NTRK2: variants seen among roughly 807,000 people sequenced by gnomAD.
NTRK2 encodes the protein neurotrophic receptor tyrosine kinase 2, also known as BDNF/NT-3 growth factors receptor.
Under a neutral mutation model 94.5 loss-of-function variants are expected in NTRK2, and 13 were observed. The ratio of observed to expected loss-of-function variants is 0.14; its 90% CI spans 0.09 to 0.22. The LOEUF is 0.22. NTRK2 is among the 10% of genes least tolerant of loss of function. The pLI, the probability that NTRK2 is intolerant of heterozygous loss-of-function variation, is 1.00. For missense variants in NTRK2, 639 were observed against 1,071.2 expected (o/e 0.60, Z 5.63); for synonymous variants, 372 against 407.4 (o/e 0.91, Z 1.05).
intron 17 of NTRK2, among the ~76,000 whole-genome samples, chr9:84,995,813 A>G (rs1433552184): frequency 6.6e-6 from 1 of 152,232 alleles, no homozygotes; most frequent in Non-Finnish European, 1.5e-5. Context: ...AATTTAGGCT[A>G]ACAATTCCAG....
At chr9:85,016,059 T>C (rs1487020080) in intron 17 of NTRK2, among the ~76,000 whole-genome samples, 1 of 152,142 alleles carries the variant, frequency 6.6e-6, no homozygotes, top group African/African-American at 2.4e-5. Context: ...TGGGTTCAAG[T>C]GAGATAATTG....
rs1588087862 is a variant in NTRK2 at position 84,707,923 on chromosome 9, A to C, written c.428+11A>C. The C allele has an allele frequency of 1.2e-6, 2 of 1,608,062 alleles. No homozygotes were observed. The highest frequency in any genetic ancestry group is 4.5e-5 in the East Asian group (2 of 44,712). On this transcript the variant is annotated intron_variant, in intron 5 of 18. Transcript: ENST00000277120. ...TGACTTGTCTGAACTGTAAGTAATG[A>C]TTTTGTGTGGCATTTGGGGAAATGT...
intron 12 of NTRK2, among the ~76,000 whole-genome samples, chr9:84,759,997 C>G (rs1382552047): frequency 6.6e-6 from 1 of 152,168 alleles, no homozygotes; most frequent in Admixed American, 6.5e-5. Flanking sequence ...ACATTTAGCT[C>G]TAAATCAGCA....
At chr9:84,849,339 G>A (rs1356821496) in intron 12 of NTRK2, among the ~76,000 whole-genome samples, 1 of 152,146 alleles carries the variant, frequency 6.6e-6, no homozygotes, top group Non-Finnish European at 1.5e-5. Context: ...GCCTAGAAGT[G>A]CTGGGTCATT....
At chr9:84,716,604 T>C (rs1040217083) in intron 6 of NTRK2, among the ~76,000 whole-genome samples, 9 of 152,238 alleles carry the variant, frequency 5.9e-5, no homozygotes, top group Non-Finnish European at 1.0e-4. Context: ...CTTAGTTGGA[T>C]TGGCTTTCTT....
chr9:84,762,564 C>T (rs377221995), intron 12 of NTRK2, among the ~76,000 whole-genome samples: 47 of 152,290 alleles, frequency 3.1e-4, no homozygotes, highest in African/African-American at 8.4e-4. Context: ...TTATCCCTCA[C>T]ATTATATCTT....
intron 6 of NTRK2, among the ~76,000 whole-genome samples, chr9:84,718,781 G>C (rs1398560144): frequency 6.6e-6 from 1 of 152,294 alleles, no homozygotes; most frequent in Non-Finnish European, 1.5e-5. Context: ...TCCTGCCTTG[G>C]CTATTCATGC....
At chr9:84,901,999 G>C (rs1229770188) in intron 14 of NTRK2, among the ~76,000 whole-genome samples, 1 of 152,042 alleles carries the variant, frequency 6.6e-6, no homozygotes, top group Non-Finnish European at 1.5e-5. Flanking sequence ...TTCAAGACCA[G>C]CCTGGCCAAC....
intron 12 of NTRK2, among the ~76,000 whole-genome samples, chr9:84,829,800 C>G (rs565735301): frequency 7.4e-4 from 113 of 152,326 alleles, no homozygotes; most frequent in African/African-American, 2.7e-3. Flanking sequence ...ATCCTCTGCA[C>G]TAAACCCCAT....
chr9:84,926,177 T>TCTTC (rs1564471177), intron 14 of NTRK2, among the ~76,000 whole-genome samples: 5 of 62,672 alleles, frequency 8.0e-5, no homozygotes, highest in African/African-American at 2.7e-4. Context: ...TTCCTTTCTT[T>TCTTC]CTTTCTTTCT....
intron 17 of NTRK2, among the ~76,000 whole-genome samples, chr9:84,980,431 G>A (rs1827443441): frequency 6.6e-6 from 1 of 152,052 alleles, no homozygotes; most frequent in South Asian, 2.1e-4. Context: ...TATGACTTTT[G>A]AGCAATATTA....
At chr9:84,808,008 C>A (rs117979333) in intron 12 of NTRK2, among the ~76,000 whole-genome samples, 1 of 152,096 alleles carries the variant, frequency 6.6e-6, no homozygotes, top group Admixed American at 6.6e-5. Flanking sequence ...AGAAAAATGC[C>A]GTATGTGTTT....
chr9:84,901,392 T>G (rs185415580), intron 14 of NTRK2, among the ~76,000 whole-genome samples: 34 of 151,118 alleles, frequency 2.2e-4, no homozygotes, highest in South Asian at 4.2e-4. Flanking sequence ...CCAGCTATTT[T>G]TGTGTGTGTG....
At chr9:84,954,810 C>A (rs992827838) in intron 16 of NTRK2, among the ~76,000 whole-genome samples, 48 of 152,176 alleles carry the variant, frequency 3.2e-4, no homozygotes, top group African/African-American at 1.0e-3. Flanking sequence ...TCTGGCATAG[C>A]CTGGCTAGGT....
rs574537082 is a variant in NTRK2 at position 84,986,712 on chromosome 9, C to A, written c.2172+31195C>A. Among the ~76,000 whole-genome samples the A allele has an allele frequency of 1.2e-4, 19 of 152,258 alleles. 1 individual carries two copies. The South Asian group carries it at 2.3e-3, about 18-fold the overall frequency. On this transcript the variant is annotated intron_variant, in intron 17 of 18. Coordinates refer to ENST00000277120, the MANE Select transcript of NTRK2 (RefSeq NM_006180.6). ...ACTTGTTTCCTTTAGATATAGTGAA[C>A]CTGATGAATTACTGGAGAGAATGGA...
chr9:84,831,636 G>C (rs138279159), intron 12 of NTRK2, among the ~76,000 whole-genome samples: 1 of 152,178 alleles, frequency 6.6e-6, no homozygotes, highest in East Asian at 1.9e-4. Context: ...TGAGGCCCAA[G>C]GAGGCTAAAT....
At chr9:84,968,094 A>G (rs2133107947) in intron 17 of NTRK2, among the ~76,000 whole-genome samples, 1 of 152,310 alleles carries the variant, frequency 6.6e-6, no homozygotes, top group East Asian at 1.9e-4. Flanking sequence ...TCAGCTTGGC[A>G]TGTAACCCTC....
intron 12 of NTRK2, among the ~76,000 whole-genome samples, chr9:84,784,939 G>A (rs867437207): frequency 5.9e-5 from 9 of 151,908 alleles, no homozygotes; most frequent in Admixed American, 1.3e-4. Flanking sequence ...TTTTCTTCTC[G>A]CAATTTAGTT....
At chr9:85,000,906 A>G (rs753130793) in intron 17 of NTRK2, among the ~76,000 whole-genome samples, 24 of 152,222 alleles carry the variant, frequency 1.6e-4, no homozygotes, top group Non-Finnish European at 2.6e-4. Flanking sequence ...CTGTTGCTCC[A>G]CATCCTCATC....
Sources: gnomAD v4.1 joint callset for allele counts (sites outside exome capture counted in the v4.1 genomes callset) on GRCh38, gnomAD v4.1.1 for gene constraint, MANE v1.5 for transcripts, NCBI Gene and HGNC (gene_info 2026-07-23, HGNC 2026-07-21) for gene names.